TMBIM4: variants seen among roughly 807,000 people sequenced by gnomAD.
TMBIM4 encodes the protein transmembrane BAX inhibitor motif containing 4, also known as protein lifeguard 4.
A neutral mutation model predicts 27.7 loss-of-function variants in TMBIM4; 28 were observed. The observed-to-expected ratio is 1.01, with a 90% CI of 0.75 to 1.38. TMBIM4 has a LOEUF of 1.38. TMBIM4 is among the 40% of genes most tolerant of loss of function. The pLI is 0.00. For synonymous variants in TMBIM4, 115 were observed against 113.1 expected (o/e 1.02, Z -0.11); for missense variants, 265 against 277.5 (o/e 0.95, Z 0.32).
chr12:66,139,546 G>A, intron 5 of TMBIM4: 1 of 446,824 alleles, frequency 2.2e-6, no homozygotes. Context: ...GGGTTTCCAG[G>A]CCAGCGTGTA....
At chr12:66,160,832 AG>A (rs1225017336) in intron 1 of TMBIM4, among the ~76,000 whole-genome samples, 1 of 145,444 alleles carries the variant, frequency 6.9e-6, no homozygotes, top group Non-Finnish European at 1.5e-5. Flanking sequence ...CTTGCCACAC[AG>A]GGCGGCAGCT....
chr12:66,155,521 T>C (rs756024141), intron 1 of TMBIM4, among the ~76,000 whole-genome samples: 1 of 152,092 alleles, frequency 6.6e-6, no homozygotes, highest in Non-Finnish European at 1.5e-5. Context: ...TTTGTAGAGA[T>C]GGGGTTTTAC....
In TMBIM4 at chr12:66,147,891, A is replaced by T. The variant is rs369785914; in HGVS notation, c.346+17T>A. The T allele has an allele frequency of 6.2e-7, 1 of 1,607,312 alleles. No individual in the cohort carries two copies. Among genetic ancestry groups the T allele is most frequent in the Admixed American group, 1.7e-5 (1 of 59,394 alleles). ...TAAAAAGTTATTATAACATATAGAA[A>T]TGCAGTTACGGCTTACCAACAACTG... is the stretch of plus-strand genomic sequence containing the variant. On this transcript the variant is annotated intron_variant, in intron 4 of 6. Coordinates refer to ENST00000358230, the MANE Select transcript of TMBIM4 (RefSeq NM_016056.4).
Position 66,137,856 on chromosome 12 carries a change from A to G in TMBIM4, c.*104T>C. 1 of 843,848 alleles carries G rather than the reference A, an allele frequency of 1.2e-6. No homozygotes were observed. Among genetic ancestry groups the G allele is most frequent in the Non-Finnish European group, 1.8e-6 (1 of 543,344 alleles). The allele number at this position is 843,848 out of a possible 1,614,324, so 52.3% of individuals were successfully genotyped here. ...GTATTTAATCATTGTTTCAAACTTTATTACTTAATGAAACAGTTTCTATAT... is the reference window on the plus strand; with the variant it reads ...GTATTTAATCATTGTTTCAAACTTTGTTACTTAATGAAACAGTTTCTATAT... On this transcript the variant is annotated 3_prime_UTR_variant, in exon 7 of 7. Coordinates refer to ENST00000358230, the MANE Select transcript of TMBIM4 (RefSeq NM_016056.4).
At chr12:66,139,205 ATTC>A (rs1432178978) in intron 5 of TMBIM4, among the ~76,000 whole-genome samples, 1 of 152,226 alleles carries the variant, frequency 6.6e-6, no homozygotes, top group African/African-American at 2.4e-5. Context: ...TTTCCATTTT[ATTC>A]TTATGTATTA....
intron 1 of TMBIM4, among the ~76,000 whole-genome samples, chr12:66,163,691 C>T (rs74694860): frequency 0.028 from 4,287 of 152,234 alleles, 54 homozygotes; most frequent in Non-Finnish European, 0.038. Context: ...GATTTGGATA[C>T]GGACACAGAG....
intron 5 of TMBIM4, among the ~76,000 whole-genome samples, chr12:66,140,430 AAACT>A (rs1428370708): frequency 1.3e-5 from 2 of 152,242 alleles, no homozygotes; most frequent in Non-Finnish European, 2.9e-5. Flanking sequence ...ACAGCAATAG[AAACT>A]AACCAAAATG....
At position 66,168,934 on chromosome 12, in the gene TMBIM4, AT is replaced by A. The variant is rs200037858; in HGVS notation, c.97+920del. On this transcript the variant is annotated intron_variant, in intron 1 of 6. Transcript: ENST00000358230. ...TGTTACCTGTATTTTACCACAATTA[AT>A]TTTTTTTAAAAAAAAGCTGAGTTCA... The A allele has an allele frequency of 2.8e-4, 57 of 202,762 alleles. 1 individual carries two copies. Among genetic ancestry groups the A allele is most frequent in the African/African-American group, 1.2e-3 (50 of 42,256 alleles). The allele number at this position is 202,762 out of a possible 1,614,324, so 12.6% of individuals were successfully genotyped here.
intron 5 of TMBIM4, among the ~76,000 whole-genome samples, chr12:66,142,853 A>C (rs184762739): frequency 6.6e-6 from 1 of 152,122 alleles, no homozygotes; most frequent in Non-Finnish European, 1.5e-5. Flanking sequence ...ACTGGACATT[A>C]ATTTACTCTT....
chr12:66,169,967 C>T lies in TMBIM4; in HGVS notation c.-16G>A. The T allele has an allele frequency of 6.8e-7, 1 of 1,474,628 alleles. No individual in the cohort carries two copies. Among genetic ancestry groups the T allele is most frequent in the Admixed American group, 2.7e-5 (1 of 36,578 alleles). The allele number at this position is 1,474,628 out of a possible 1,614,324, so 91.3% of individuals were successfully genotyped here. A position where few individuals can be genotyped will look rare whatever the true frequency, so the allele number is the denominator to read the frequency against. On this transcript the variant is annotated 5_prime_UTR_variant, in exon 1 of 7. Transcript: ENST00000358230. ...GGTCAGCCATGATGGCAACAGCACC[C>T]CTACCGGTCCCGGTCCACTAACCGC...
rs1217485639 is a variant in TMBIM4, at chr12:66,162,047, C to G, written c.97+7808G>C. 1.3e-5 allele frequency among the ~76,000 whole-genome samples: 2 copies of G among 151,256 alleles called. 1 individual carries two copies. The highest frequency in any genetic ancestry group is 4.9e-5 in the African/African-American group (2 of 41,052). ...CAGACCCTTAAATCCAGGGCTCTTT[C>G]TACTACACTGTACTATTCCCCAACA... is the stretch of plus-strand genomic sequence containing the variant. On this transcript the variant is annotated intron_variant, in intron 1 of 6. Transcript: ENST00000358230.
chr12:66,161,754 G>A (rs566111315), intron 1 of TMBIM4, among the ~76,000 whole-genome samples: 36 of 152,270 alleles, frequency 2.4e-4, no homozygotes, highest in African/African-American at 7.5e-4. Flanking sequence ...TGTGAGGGAC[G>A]TAGAAGTAAA....
At position 66,147,739 on chromosome 12, in the gene TMBIM4, G is replaced by A. The variant is rs976765491; in HGVS notation, c.346+169C>T. Among the ~76,000 whole-genome samples the A allele has an allele frequency of 9.2e-5, 14 of 152,074 alleles. No homozygotes were observed. The East Asian group carries it at 1.5e-3, about 17-fold the overall frequency. On this transcript the variant is annotated intron_variant, in intron 4 of 6. Coordinates refer to ENST00000358230, the MANE Select transcript of TMBIM4 (RefSeq NM_016056.4). ...CTAAGCTCAGCTGAAATATGTAAAC[G>A]ATAAATATCTAACTTTTGCTTATAC... is the stretch of plus-strand genomic sequence containing the variant.
Position 66,137,773 on chromosome 12 carries a change from G to C in TMBIM4, c.*187C>G, listed in dbSNP as rs1195348761. 1.8e-6 allele frequency: 1 copy of C among 559,298 alleles called. No individual in the cohort carries two copies. The highest frequency in any genetic ancestry group is 3.1e-6 in the Non-Finnish European group (1 of 318,254). 34.6% of individuals were successfully genotyped at this position (559,298 alleles called of 1,614,324 possible). On this transcript the variant is annotated 3_prime_UTR_variant, in exon 7 of 7. Transcript: ENST00000358230. ...GGATTTAGAAATGAGGTATCATAAA[G>C]AATAGTAAGATTTTAAAGCTCTCAA...
chr12:66,155,343 A>AGAGAGAGAGAGAGAGAGAGAGAGAGAGG (rs2051915828), intron 1 of TMBIM4, among the ~76,000 whole-genome samples: 1 of 151,272 alleles, frequency 6.6e-6, no homozygotes, highest in Non-Finnish European at 1.5e-5. Flanking sequence ...TGTGAGAGAG[A>AGAGAGAGAGAGAGAGAGAGAGAGAGAGG]GAGAGAGAGA....
Position 66,152,311 on chromosome 12 carries a change from C to G in TMBIM4, c.272G>C (p.Arg91Thr). The G allele has an allele frequency of 1.2e-6, 2 of 1,609,446 alleles. No homozygotes were observed. The highest frequency in any genetic ancestry group is 1.7e-6 in the Non-Finnish European group (2 of 1,177,380). ...GTACAGGTTAAGGGGATACTTATGT[C>G]TGTTTAAAATCAACGCAAAAATCAA... ...LGLIFALILNRHKYPLNLYLL... is the reference protein window; with the variant it reads ...LGLIFALILNTHKYPLNLYLL... Residue 91 changes from arginine (R) to threonine (T), a missense_variant, in exon 3 of 7, where the codon AGA becomes ACA. Arg to Thr is a moderately conservative substitution (Grantham distance 71). Coordinates refer to ENST00000358230, the MANE Select transcript of TMBIM4 (RefSeq NM_016056.4).
In TMBIM4 at chr12:66,145,902, A is replaced by G. The variant is rs1332527570; in HGVS notation, c.403T>C (p.Phe135Leu). Residue 135 changes from phenylalanine (F) to leucine (L), a missense_variant, in exon 5 of 7, where the codon TTT (phenylalanine) becomes CTT (leucine). Transcript: ENST00000358230. ...AGAGTATACACAGTCAAACCAAAAA[A>G]TACTGTAGTAGTCAGTATGAAAGCT... is the stretch of plus-strand genomic sequence containing the variant. ...LQAFILTTTV[F>L]FGLTVYTLQS... is the part of the protein sequence containing the mutation. 1 of 1,609,042 alleles carries G rather than the reference A, an allele frequency of 6.2e-7. No individual in the cohort carries two copies. Among genetic ancestry groups the G allele is most frequent in the South Asian group, 1.1e-5 (1 of 90,922 alleles).
rs1435443475 is a variant in TMBIM4 at position 66,136,746 on chromosome 12, C to G, written c.*1214G>C. ...CAAAGGAAACCAACCCTGCTAACACCTTGATCTTGGACTTTTAGCCTCCAG... is the reference window on the plus strand; with the variant it reads ...CAAAGGAAACCAACCCTGCTAACACGTTGATCTTGGACTTTTAGCCTCCAG... On this transcript the variant is annotated 3_prime_UTR_variant, in exon 7 of 7. Transcript: ENST00000358230. 6.6e-6 allele frequency: 1 copy of G among 152,182 alleles called. No individual in the cohort carries two copies. The highest frequency in any genetic ancestry group is 1.5e-5 in the Non-Finnish European group (1 of 68,056). The allele number at this position is 152,182 out of a possible 1,614,324, so 9.4% of individuals were successfully genotyped here. A position where few individuals can be genotyped will look rare whatever the true frequency, so the allele number is the denominator to read the frequency against.
At chr12:66,157,180 T>C (rs2136872653) in intron 1 of TMBIM4, among the ~76,000 whole-genome samples, 1 of 152,296 alleles carries the variant, frequency 6.6e-6, no homozygotes, top group Non-Finnish European at 1.5e-5. Context: ...TATCATCTAA[T>C]GGGGTCAATA....
Sources: gnomAD v4.1 joint callset for allele counts (sites outside exome capture counted in the v4.1 genomes callset) on GRCh38, gnomAD v4.1.1 for gene constraint, MANE v1.5 for transcripts, NCBI Gene and HGNC (gene_info 2026-07-23, HGNC 2026-07-21) for gene names.